Variants in WDR64 observed in about 807,000 individuals in gnomAD.
WDR64 encodes the protein WD repeat domain 64, also known as WD repeat-containing protein 64.
A neutral mutation model predicts 139.3 loss-of-function variants in WDR64; 112 were observed. That is an observed-to-expected ratio of 0.80 (90% CI 0.69 to 0.94). WDR64 has a LOEUF of 0.94. WDR64 is among the 40% of genes least tolerant of loss of function. WDR64 has a pLI of 0.00. For synonymous variants in WDR64, 444 were observed against 437.7 expected (o/e 1.01, Z -0.18); for missense variants, 1,206 against 1,293.1 (o/e 0.93, Z 1.03).
At position 241,656,202 on chromosome 1, in the gene WDR64, T is replaced by A. The variant is rs1341706544; in HGVS notation, c.145+3573T>A. ...ATCTTCACTTTTGTCAGGCTGTTAA[T>A]AATGTCTGGCACAAATTCATATTTA... On this transcript the variant is annotated intron_variant, in intron 1 of 27. Transcript: ENST00000437684. The surrounding 1 kb of genome is among the most constrained non-coding windows in gnomAD (Gnocchi z 4.3). Among the ~76,000 whole-genome samples the A allele has an allele frequency of 2.6e-5, 4 of 152,252 alleles. No homozygotes were observed. Among genetic ancestry groups the A allele is most frequent in the African/African-American group, 9.6e-5 (4 of 41,468 alleles).
intron 14 of WDR64, among the ~76,000 whole-genome samples, chr1:241,752,396 C>T (rs1670012961): frequency 6.6e-6 from 1 of 151,894 alleles, no homozygotes; most frequent in Admixed American, 6.6e-5. Flanking sequence ...TAGAGTTTCC[C>T]ATCTCCTTCT....
At chr1:241,723,049 A>G (rs1668666230) in intron 9 of WDR64, among the ~76,000 whole-genome samples, 1 of 152,238 alleles carries the variant, frequency 6.6e-6, no homozygotes, top group Non-Finnish European at 1.5e-5. Context: ...AAAAGAACTC[A>G]TAAAATATTT....
chr1:241,699,780 T>G (rs923391334), intron 8 of WDR64, among the ~76,000 whole-genome samples: 17 of 152,092 alleles, frequency 1.1e-4, no homozygotes, highest in Admixed American at 2.0e-4. Context: ...TGGTTCAATA[T>G]AATTGGAGAA....
At chr1:241,731,338 G>C (rs555518790) in intron 10 of WDR64, among the ~76,000 whole-genome samples, 1 of 146,048 alleles carries the variant, frequency 6.8e-6, no homozygotes, top group East Asian at 2.1e-4. Context: ...GAGATACCTC[G>C]TCTCTTAAAA....
rs76260396 is a variant in WDR64, at chr1:241,656,576, C to A, written c.145+3947C>A. Among the ~76,000 whole-genome samples, 1 of 152,176 alleles carries A rather than the reference C, an allele frequency of 6.6e-6. No individual in the cohort carries two copies. The highest frequency in any genetic ancestry group is 1.5e-5 in the Non-Finnish European group (1 of 68,028). On this transcript the variant is annotated intron_variant, in intron 1 of 27. Coordinates refer to ENST00000437684, the MANE Select transcript of WDR64 (RefSeq NM_001367482.1). This position sits in a 1 kb window ranked among gnomAD's most constrained non-coding sequence, Gnocchi z 4.3. ...AAATAGAGTGCTTTATTTTCCCCAA[C>A]AATCTTCTTCCCATTGCCTTGCTTT... is the stretch of plus-strand genomic sequence containing the variant.
chr1:241,676,880 C>T (rs1212499278), intron 4 of WDR64, among the ~76,000 whole-genome samples: 1 of 151,602 alleles, frequency 6.6e-6, no homozygotes, highest in Admixed American at 6.6e-5. Flanking sequence ...CCATGCCCAG[C>T]CCAAAATTAA....
At position 241,681,123 on chromosome 1, in the gene WDR64, A is replaced by AT. The variant is rs1020391836; in HGVS notation, c.624+1535dup. On this transcript the variant is annotated intron_variant, in intron 6 of 27. Coordinates refer to ENST00000437684, the MANE Select transcript of WDR64 (RefSeq NM_001367482.1). ...CTCTCTCTCTTTAAAAATTGTTTAA[A>AT]TTTTTTTATTTCCATAGGTTTGGGG... 6.6e-5 allele frequency among the ~76,000 whole-genome samples: 10 copies of AT among 151,836 alleles called. No homozygotes were observed. The South Asian group carries it at 8.3e-4, about 13-fold the overall frequency.
intron 21 of WDR64, among the ~76,000 whole-genome samples, chr1:241,777,150 A>C (rs1438705945): frequency 6.6e-6 from 1 of 152,202 alleles, no homozygotes; most frequent in Non-Finnish European, 1.5e-5. Context: ...GCTGGAGTGC[A>C]GTGGTGTGCT....
At chr1:241,688,631 A>C (rs925989746) in intron 8 of WDR64, among the ~76,000 whole-genome samples, 1 of 152,216 alleles carries the variant, frequency 6.6e-6, no homozygotes, top group Non-Finnish European at 1.5e-5. Context: ...GTCACAAGGC[A>C]GTTTTGTTGC....
intron 9 of WDR64, among the ~76,000 whole-genome samples, chr1:241,714,465 C>T (rs1668323431): frequency 6.6e-6 from 1 of 152,124 alleles, no homozygotes. Flanking sequence ...CAAACATACA[C>T]AGCAGGCGGT....
intron 10 of WDR64, among the ~76,000 whole-genome samples, chr1:241,732,838 CA>C (rs368638279): frequency 1.3e-5 from 2 of 150,936 alleles, no homozygotes; most frequent in Non-Finnish European, 3.0e-5. Flanking sequence ...ACCAAAAAAA[CA>C]AAAAAACAAA....
At chr1:241,743,067 C>T (rs917456156) in intron 12 of WDR64, among the ~76,000 whole-genome samples, 14 of 152,176 alleles carry the variant, frequency 9.2e-5, no homozygotes, top group African/African-American at 3.1e-4. Context: ...GTGAGAATCT[C>T]CTGAGTTCAT....
chr1:241,767,710 CCTG>C (rs61575742), intron 16 of WDR64, among the ~76,000 whole-genome samples: 23,814 of 152,002 alleles, frequency 0.16, 2,096 homozygotes, highest in African/African-American at 0.21. Context: ...CCCATCCAAG[CCTG>C]AGTCATTTCT....
intron 10 of WDR64, among the ~76,000 whole-genome samples, chr1:241,735,768 C>G (rs1669283829): frequency 2.0e-5 from 3 of 151,224 alleles, no homozygotes; most frequent in Admixed American, 1.3e-4. Context: ...CTCCTGACCT[C>G]AAGTGATCCG....
At chr1:241,780,821 C>T (rs539737673) in intron 22 of WDR64, among the ~76,000 whole-genome samples, 2 of 152,270 alleles carry the variant, frequency 1.3e-5, no homozygotes, top group South Asian at 2.1e-4. Context: ...CAGAGAATAG[C>T]TTGCCAAGGA....
intron 5 of WDR64, among the ~76,000 whole-genome samples, chr1:241,678,622 C>T (rs1666654147): frequency 6.6e-6 from 1 of 151,982 alleles, no homozygotes; most frequent in African/African-American, 2.4e-5. Flanking sequence ...AGTTTGAGTA[C>T]AATTTTGTGA....
intron 8 of WDR64, among the ~76,000 whole-genome samples, chr1:241,710,846 A>G (rs1029407814): frequency 6.6e-6 from 1 of 152,206 alleles, no homozygotes; most frequent in Non-Finnish European, 1.5e-5. Flanking sequence ...GAGCCACAGG[A>G]GAGAAGTGAT....
chr1:241,727,794 C>G (rs1385708328), intron 10 of WDR64, among the ~76,000 whole-genome samples: 1 of 152,070 alleles, frequency 6.6e-6, no homozygotes, highest in Non-Finnish European at 1.5e-5. Context: ...AATCCCAGCA[C>G]TTTGGGAGGT....
rs893617029 is a variant in WDR64, at chr1:241,802,055, A to T, written c.*840A>T. ...ACCTAAAGAAAATCAATATAGCCAT[A>T]TTAATATTAAAATACACTTTAAGAA... On this transcript the variant is annotated 3_prime_UTR_variant, in exon 28 of 28. Coordinates refer to ENST00000437684, the MANE Select transcript of WDR64 (RefSeq NM_001367482.1). 1.0e-5 allele frequency: 4 copies of T among 397,866 alleles called. No individual in the cohort carries two copies. Among genetic ancestry groups the T allele is most frequent in the Non-Finnish European group, 1.8e-5 (4 of 225,744 alleles). The allele number at this position is 397,866 out of a possible 1,614,324, so 24.6% of individuals were successfully genotyped here. A position where few individuals can be genotyped will look rare whatever the true frequency, so the allele number is the denominator to read the frequency against.
Sources: gnomAD v4.1 joint callset for allele counts (sites outside exome capture counted in the v4.1 genomes callset) on GRCh38, gnomAD v4.1.1 for gene constraint, Gnocchi (gnomAD v3.1) non-coding constraint, MANE v1.5 for transcripts, NCBI Gene and HGNC (gene_info 2026-07-23, HGNC 2026-07-21) for gene names.